Variants in RUNDC3B observed in about 807,000 individuals in gnomAD.
RUNDC3B encodes RUN domain containing 3B.
RUNDC3B carries 33 observed loss-of-function variants against 58.4 expected under a neutral mutation model. The ratio of observed to expected loss-of-function variants is 0.56; its 90% CI spans 0.43 to 0.75. The LOEUF is 0.75. RUNDC3B is among the 30% of genes least tolerant of loss of function. The probability of loss-of-function intolerance (pLI) is 0.00; values close to 1 mark genes in which losing one functional copy is unlikely to be tolerated. For missense variants in RUNDC3B, 501 were observed against 535.7 expected (o/e 0.94, Z 0.64); for synonymous variants, 193 against 195.2 (o/e 0.99, Z 0.10).
intron 8 of RUNDC3B, among the ~76,000 whole-genome samples, chr7:87,802,978 C>G (rs1836252608): frequency 6.6e-6 from 1 of 151,522 alleles, no homozygotes; most frequent in Non-Finnish European, 1.5e-5. Context: ...GATTGAGACC[C>G]TACTCAAAAT....
At chr7:87,735,459 G>A (rs1479018315) in intron 4 of RUNDC3B, among the ~76,000 whole-genome samples, 1 of 152,104 alleles carries the variant, frequency 6.6e-6, no homozygotes, top group Non-Finnish European at 1.5e-5. Flanking sequence ...ACATTGAAAT[G>A]ATTTCTTATT....
intron 10 of RUNDC3B, among the ~76,000 whole-genome samples, chr7:87,819,376 G>A (rs1837274316): frequency 6.6e-6 from 1 of 152,092 alleles, no homozygotes. Flanking sequence ...GGAGCACCCA[G>A]ATTCATAAAG....
chr7:87,655,241 A>G (rs954061754), intron 2 of RUNDC3B, among the ~76,000 whole-genome samples: 1 of 152,196 alleles, frequency 6.6e-6, no homozygotes, highest in African/African-American at 2.4e-5. Flanking sequence ...AGGAAATGAA[A>G]TCAGTGTCTC....
intron 3 of RUNDC3B, among the ~76,000 whole-genome samples, chr7:87,705,792 T>TA (rs1173948321): frequency 3.3e-5 from 5 of 152,204 alleles, no homozygotes. Context: ...AAACATATTA[T>TA]ATGATCCCTG....
rs567340949 is a variant in RUNDC3B at position 87,718,679 on chromosome 7, A to G, written c.458+8024A>G. 2.0e-5 allele frequency among the ~76,000 whole-genome samples: 3 copies of G among 152,318 alleles called. No homozygotes were observed. The South Asian group carries it at 6.2e-4, about 32-fold the overall frequency. ...ATGATTTATTCCTGAGAGATGAAAA[A>G]AAGTACAAAATTGTTAATTGATGTT... On this transcript the variant is annotated intron_variant, in intron 4 of 10. Coordinates refer to ENST00000394654, the MANE Select transcript of RUNDC3B (RefSeq NM_001134405.2).
chr7:87,821,651 C>G (rs983316915), intron 10 of RUNDC3B, among the ~76,000 whole-genome samples: 2 of 152,170 alleles, frequency 1.3e-5, no homozygotes, highest in African/African-American at 4.8e-5. Flanking sequence ...TACTACAATG[C>G]TACAGTAACC....
At chr7:87,819,975 G>C (rs1837320478) in intron 10 of RUNDC3B, among the ~76,000 whole-genome samples, 1 of 151,994 alleles carries the variant, frequency 6.6e-6, no homozygotes, top group Non-Finnish European at 1.5e-5. Context: ...ACAATTAAAA[G>C]AACTAGAAAA....
intron 2 of RUNDC3B, among the ~76,000 whole-genome samples, chr7:87,669,866 T>C (rs1418010911): frequency 1.3e-5 from 2 of 152,218 alleles, no homozygotes; most frequent in African/African-American, 2.4e-5. Flanking sequence ...GTTCCTTTTG[T>C]AGGTCATGTG....
chr7:87,768,611 G>T (rs1279272240), intron 6 of RUNDC3B, among the ~76,000 whole-genome samples: 1 of 152,174 alleles, frequency 6.6e-6, no homozygotes, highest in Admixed American at 6.5e-5. Flanking sequence ...GGGCAGAGGG[G>T]CTCTCTGACA....
chr7:87,731,909 C>T (rs1831598564), intron 4 of RUNDC3B, among the ~76,000 whole-genome samples: 1 of 152,126 alleles, frequency 6.6e-6, no homozygotes, highest in South Asian at 2.1e-4. Context: ...GGACTATAGA[C>T]CAAATGGACC....
intron 6 of RUNDC3B, among the ~76,000 whole-genome samples, chr7:87,759,938 A>T (rs979103503): frequency 3.3e-5 from 5 of 152,114 alleles, no homozygotes; most frequent in East Asian, 1.9e-4. Context: ...TTAAAAATTT[A>T]AAAAATTTAA....
At chr7:87,825,070 A>G (rs1054027858) in intron 10 of RUNDC3B, among the ~76,000 whole-genome samples, 1 of 152,044 alleles carries the variant, frequency 6.6e-6, no homozygotes, top group Non-Finnish European at 1.5e-5. Flanking sequence ...ATACAAAAAA[A>G]AATTAGCTGG....
intron 2 of RUNDC3B, among the ~76,000 whole-genome samples, chr7:87,690,365 A>G (rs1239632782): frequency 6.6e-6 from 1 of 152,118 alleles, no homozygotes; most frequent in African/African-American, 2.4e-5. Context: ...TGACTTTTAA[A>G]CTTCAAAAGA....
intron 8 of RUNDC3B, among the ~76,000 whole-genome samples, chr7:87,796,794 G>A (rs191213253): frequency 2.4e-4 from 36 of 152,284 alleles, no homozygotes; most frequent in Admixed American, 2.3e-3. Context: ...CCTTGCAAGA[G>A]GGAGTCCTGC....
At chr7:87,773,702 G>A (rs1168161636) in intron 7 of RUNDC3B, among the ~76,000 whole-genome samples, 1 of 124,902 alleles carries the variant, frequency 8.0e-6, no homozygotes, top group African/African-American at 3.2e-5. Flanking sequence ...TTTTGAGATG[G>A]AGTCTCGCTT....
chr7:87,805,733 C>T (rs188632587), intron 8 of RUNDC3B, among the ~76,000 whole-genome samples: 85 of 152,174 alleles, frequency 5.6e-4, no homozygotes, highest in Non-Finnish European at 1.0e-3. Context: ...ACAGATGCAC[C>T]TTTGCTTTTC....
At chr7:87,672,351 G>A (rs1047666510) in intron 2 of RUNDC3B, among the ~76,000 whole-genome samples, 1 of 152,272 alleles carries the variant, frequency 6.6e-6, no homozygotes, top group East Asian at 1.9e-4. Context: ...GGCTGGAATG[G>A]CTAAGGTGCC....
In RUNDC3B at chr7:87,648,711, A is replaced by G. The variant is rs28746499; in HGVS notation, c.123-2111A>G. Among the ~76,000 whole-genome samples, 452 of 152,258 alleles carry G rather than the reference A, an allele frequency of 3.0e-3. 2 individuals carry two copies. Among genetic ancestry groups the G allele is most frequent in the African/African-American group, 0.01 (436 of 41,566 alleles). On this transcript the variant is annotated intron_variant, in intron 1 of 10. Transcript: ENST00000394654. ...GTTTTAGTATTTTTTATTTCCCGATATAACTGGTTGTAAGAAAGTTTTTAA... is the reference window on the plus strand; with the variant it reads ...GTTTTAGTATTTTTTATTTCCCGATGTAACTGGTTGTAAGAAAGTTTTTAA...
intron 2 of RUNDC3B, among the ~76,000 whole-genome samples, chr7:87,684,772 AAGAAT>A (rs1161152828): frequency 1.6e-3 from 235 of 150,298 alleles, no homozygotes; most frequent in African/African-American, 5.3e-3. Context: ...AAAAAAAAAA[AAGAAT>A]AGAATAGAAT....
Sources: gnomAD v4.1 joint callset for allele counts (sites outside exome capture counted in the v4.1 genomes callset) on GRCh38, gnomAD v4.1.1 for gene constraint, MANE v1.5 for transcripts, NCBI Gene and HGNC (gene_info 2026-07-23, HGNC 2026-07-21) for gene names.